Variants in VSIG10L2 observed in about 807,000 individuals in gnomAD.
VSIG10L2 encodes the protein V-set and immunoglobulin domain-containing protein 10-like 2.
In VSIG10L2, 56 loss-of-function variants were observed where a neutral mutation model predicts 67.1. That is an observed-to-expected ratio of 0.83 (90% CI 0.67 to 1.04). VSIG10L2 has a LOEUF of 1.04. VSIG10L2 is among the 50% of genes least tolerant of loss of function. The pLI, the probability that VSIG10L2 is intolerant of heterozygous loss-of-function variation, is 0.00. For synonymous variants in VSIG10L2, 360 were observed against 396.6 expected, an observed-to-expected ratio of 0.91 and a Z score of 1.10; for missense variants, 843 against 932.8, an observed-to-expected ratio of 0.90 and a Z score of 1.25.
chr11:125,951,916 G>A lies in VSIG10L2; in HGVS notation c.1338G>A (p.Leu446=), dbSNP rs965821267. Reference sequence around the variant, plus strand: ...CTGGCGGCGAGCCCCCTGCCACGCTGGGCTGGCTTGACGAACAGCAGCAGC... The same window carrying A: ...CTGGCGGCGAGCCCCCTGCCACGCTAGGCTGGCTTGACGAACAGCAGCAGC... ...EWPGGEPPAT[L]GWLDEQQQPL... The change falls in exon 6 of 12, where the codon CTG becomes CTA. Residue 446 remains leucine (L), a synonymous_variant. Transcript: ENST00000686984. 1 of 1,535,962 alleles carries A rather than the reference G, an allele frequency of 6.5e-7. No homozygotes were observed. The highest frequency in any genetic ancestry group is 8.7e-7 in the Non-Finnish European group (1 of 1,146,810).
Position 125,951,796 on chromosome 11 carries a change from G to C in VSIG10L2, c.1235-17G>C. 6.7e-7 allele frequency: 1 copy of C among 1,481,896 alleles called. No individual in the cohort carries two copies. Among genetic ancestry groups the C allele is most frequent in the Non-Finnish European group, 9.0e-7 (1 of 1,116,272 alleles). The allele number at this position is 1,481,896 out of a possible 1,614,324, so 91.8% of individuals were successfully genotyped here. A position where few individuals can be genotyped will look rare whatever the true frequency, so the allele number is the denominator to read the frequency against. ...TCCTCCTTCCACAGGGCCATACTGA[G>C]CCATCATTCCTTCCAGGGGAGCCTC... On this transcript the variant is annotated splice_polypyrimidine_tract_variant and intron_variant, in intron 5 of 11. Coordinates refer to ENST00000686984, the MANE Select transcript of VSIG10L2 (RefSeq NM_001365077.2).
At position 125,954,384 on chromosome 11, in the gene VSIG10L2, G is replaced by A; in HGVS notation, c.2083+1G>A. 1 of 1,232,154 alleles carries A rather than the reference G, an allele frequency of 8.1e-7. No homozygotes were observed. Among genetic ancestry groups the A allele is most frequent in the African/African-American group, 1.6e-5 (1 of 64,492 alleles). The allele number at this position is 1,232,154 out of a possible 1,614,324, so 76.3% of individuals were successfully genotyped here. On this transcript the variant is annotated splice_donor_variant, in intron 8 of 11. Transcript: ENST00000686984. LOFTEE classifies it high-confidence loss of function. ...CATCCCTCTGAGGTGAAGATACCAG[G>A]TGCCAGCTAATGCCAGGGAGGGACC...
chr11:125,953,815 T>C (rs1945411700), intron 7 of VSIG10L2, 125 bp downstream of exon 7: 1 of 950,748 alleles, frequency 1.1e-6, no homozygotes, highest in South Asian at 5.6e-5. Context: ...TGAGCTTCCT[T>C]GGGCATAGGC....
Position 125,948,369 on chromosome 11 carries a change from G to T in VSIG10L2, c.498G>T (p.Val166=). The T allele has an allele frequency of 8.1e-7, 1 of 1,232,364 alleles. No homozygotes were observed. Among genetic ancestry groups the T allele is most frequent in the South Asian group, 4.1e-5 (1 of 24,322 alleles). 76.3% of individuals were successfully genotyped at this position (1,232,364 alleles called of 1,614,324 possible). ...NPSPVEGASV[V]ATCAVREGTE... ...CCCCTGTGGAGGGAGCCTCCGTGGT[G>T]GCCACGTGTGCAGTGCGGGAGGGCA... The change falls in exon 3 of 12, where the codon GTG becomes GTT. Residue 166 remains valine, a synonymous_variant. Transcript: ENST00000686984.
chr11:125,946,804 C>A lies in VSIG10L2; in HGVS notation c.82+667C>A, dbSNP rs1285336941. Among the ~76,000 whole-genome samples the A allele has an allele frequency of 6.6e-6, 1 of 152,214 alleles. No homozygotes were observed. Among genetic ancestry groups the A allele is most frequent in the East Asian group, 1.9e-4 (1 of 5,186 alleles). ...CTGCCCGCCTCAGCCTCCCAGAGTG[C>A]TGGGATTACAGGCCTGAGCCACTGA... On this transcript the variant is annotated intron_variant, in intron 1 of 11. Transcript: ENST00000686984. This position sits in a 1 kb window ranked among gnomAD's most constrained non-coding sequence, Gnocchi z 4.4.
Position 125,948,418 on chromosome 11 carries a change from C to A in VSIG10L2, c.547C>A (p.Gln183Lys). ...EGTEPVTFAW[Q>K]HRAPRGLGEA... is the part of the protein sequence containing the mutation. ...CACAGAGCCCGTGACCTTTGCCTGG[C>A]AGCATCGGGCACCCCGAGGCCTTGG... is the stretch of plus-strand genomic sequence containing the variant. The change falls in exon 3 of 12, where the codon CAG (glutamine) becomes AAG (lysine). Residue 183 changes from glutamine to lysine, a missense_variant. Physicochemically the swap from Gln to Lys is moderately conservative, Grantham distance 53. Transcript: ENST00000686984. 8.1e-7 allele frequency: 1 copy of A among 1,232,400 alleles called. No homozygotes were observed. The highest frequency in any genetic ancestry group is 1.0e-6 in the Non-Finnish European group (1 of 988,154). The allele number at this position is 1,232,400 out of a possible 1,614,324, so 76.3% of individuals were successfully genotyped here.
intron 11 of VSIG10L2, 68 bp from the exon 12 acceptor site, chr11:125,955,749 G>T: frequency 1.7e-6 from 2 of 1,205,242 alleles, no homozygotes; most frequent in South Asian, 2.6e-5. Flanking sequence ...GGTCTCTCTT[G>T]AGCTCTGGGA....
Position 125,951,132 on chromosome 11 carries a change from C to T in VSIG10L2, c.1208C>T (p.Pro403Leu), listed in dbSNP as rs1347960710. 1.1e-5 allele frequency: 14 copies of T among 1,232,846 alleles called. No individual in the cohort carries two copies. Among genetic ancestry groups the T allele is most frequent in the East Asian group, 6.3e-5 (2 of 31,754 alleles). 76.4% of individuals were successfully genotyped at this position (1,232,846 alleles called of 1,614,324 possible). A position where few individuals can be genotyped will look rare whatever the true frequency, so the allele number is the denominator to read the frequency against. ...ACTGGCCAGCACCCAGCCCTGGCAC[C>T]GCCTGCCCTCTGCACAGTCATGCTC... ...TCTGQHPALA[P>L]PALCTVMLWE... Residue 403 changes from proline to leucine, a missense_variant, in exon 5 of 12, where the codon CCG becomes CTG. By Grantham distance (98) the Pro-to-Leu change is moderately conservative. Transcript: ENST00000686984.
chr11:125,956,058 A>C lies in VSIG10L2; in HGVS notation c.*144A>C. ...TTAATACCCAGTCTTCACAACTGGT[A>C]CAAGGCCCAGCTGCAGTGTCCCTAA... is the stretch of plus-strand genomic sequence containing the variant. On this transcript the variant is annotated 3_prime_UTR_variant, in exon 12 of 12. Transcript: ENST00000686984. 1 of 691,338 alleles carries C rather than the reference A, an allele frequency of 1.4e-6. No homozygotes were observed. Among genetic ancestry groups the C allele is most frequent in the South Asian group, 1.5e-5 (1 of 66,020 alleles). The allele number at this position is 691,338 out of a possible 1,614,324, so 42.8% of individuals were successfully genotyped here.
Position 125,947,855 on chromosome 11 carries a change from T to C in VSIG10L2, c.252T>C (p.Asp84=), listed in dbSNP as rs1261058347. ...SLVPRPVAVT[D]GAMSKVEAIA... ...TTCCCCGGCCTGTGGCCGTCACCGA[T>C]GGAGCCATGTCCAAGGTGGAGGCCA... The change falls in exon 2 of 12, where the codon GAT becomes GAC. Residue 84 remains aspartate, a synonymous_variant. Transcript: ENST00000686984. 2 of 1,232,226 alleles carry C rather than the reference T, an allele frequency of 1.6e-6. No homozygotes were observed. The highest frequency in any genetic ancestry group is 1.6e-5 in the African/African-American group (1 of 64,442). The allele number at this position is 1,232,226 out of a possible 1,614,324, so 76.3% of individuals were successfully genotyped here. A position where few individuals can be genotyped will look rare whatever the true frequency, so the allele number is the denominator to read the frequency against.
intron 7 of VSIG10L2, 44 bp from the exon 8 acceptor site, chr11:125,954,043 T>C (rs1193337001): frequency 4.1e-6 from 5 of 1,227,204 alleles, no homozygotes; most frequent in South Asian, 4.2e-5. Context: ...GGTCACGTGG[T>C]TGTAGGTATA....
chr11:125,947,416 A>C (rs1945312722), intron 1 of VSIG10L2: 2 of 985,272 alleles, frequency 2.0e-6, no homozygotes, highest in South Asian at 4.7e-5. Context: ...TGGATGGTCT[A>C]GTGACCCATG....
In VSIG10L2 at chr11:125,954,129, A is replaced by G. The variant is rs2134307729; in HGVS notation, c.1829A>G (p.Tyr610Cys). The change falls in exon 8 of 12, where the codon TAC becomes TGC. Residue 610 changes from tyrosine (Y) to cysteine (C), a missense_variant. Physicochemically the swap from Tyr to Cys is radical, Grantham distance 194. This residue lies in a region of VSIG10L2 where 397 missense variants were observed against 384.4 expected (regional missense o/e 1.03). Coordinates refer to ENST00000686984, the MANE Select transcript of VSIG10L2 (RefSeq NM_001365077.2). ...AATGTCACCATCAGCCGCCTGACCT[A>G]CGGGAGGCACCGGAGAGAGGTGCAG... ...PPNVTISRLT[Y>C]GRHRREVQLQ... The G allele has an allele frequency of 8.1e-7, 1 of 1,232,256 alleles. No homozygotes were observed. The highest frequency in any genetic ancestry group is 1.0e-6 in the Non-Finnish European group (1 of 988,076). 76.3% of individuals were successfully genotyped at this position (1,232,256 alleles called of 1,614,324 possible).
At position 125,954,324 on chromosome 11, in the gene VSIG10L2, T is replaced by C. The variant is rs1945421039; in HGVS notation, c.2024T>C (p.Phe675Ser). ...GGLDPGVLYA[F>S]RILALNHHTA... ...TTGGACCCCGGGGTCCTTTATGCCT[T>C]CCGCATCCTGGCTCTGAATCACCAC... The change falls in exon 8 of 12, where the codon TTC (phenylalanine) becomes TCC (serine). Residue 675 changes from phenylalanine to serine, a missense_variant. By Grantham distance (155) the Phe-to-Ser change is radical (BLOSUM62 -2). Transcript: ENST00000686984. 8.1e-7 allele frequency: 1 copy of C among 1,231,812 alleles called. No homozygotes were observed. The highest frequency in any genetic ancestry group is 1.6e-5 in the African/African-American group (1 of 64,308). The allele number at this position is 1,231,812 out of a possible 1,614,324, so 76.3% of individuals were successfully genotyped here.
chr11:125,954,535 C>G (rs1945424949), intron 8 of VSIG10L2, among the ~76,000 whole-genome samples, 152 bp downstream of exon 8: 2 of 152,114 alleles, frequency 1.3e-5, no homozygotes, highest in Non-Finnish European at 1.5e-5. Context: ...TCTCTCCACT[C>G]TCCCCTCAGA....
At chr11:125,955,779 G>A (rs1286114895) in intron 11 of VSIG10L2, 38 bp from the exon 12 acceptor site, 2 of 935,326 alleles carry the variant, frequency 2.1e-6, no homozygotes, top group Admixed American at 4.0e-5. Flanking sequence ...CACTCCCAAA[G>A]CATCCCTCTG....
chr11:125,950,783 C>G (rs1333998506), intron 4 of VSIG10L2, 127 bp from the exon 5 acceptor site: 1 of 912,796 alleles, frequency 1.1e-6, no homozygotes, highest in African/African-American at 1.7e-5. Flanking sequence ...AATCTTTCCC[C>G]TAACCCACTT....
rs530899937 is a variant in VSIG10L2 at position 125,947,920 on chromosome 11, G to C, written c.317G>C (p.Ser106Thr). 3 of 1,232,228 alleles carry C rather than the reference G, an allele frequency of 2.4e-6. No homozygotes were observed. The highest frequency in any genetic ancestry group is 2.0e-6 in the Non-Finnish European group (2 of 988,106). 76.3% of individuals were successfully genotyped at this position (1,232,228 alleles called of 1,614,324 possible). ...ALGVVSLRNS[S>T]LVLGELHEGA... ...GGAGTCGTGAGTCTGAGGAACAGCA[G>C]CCTGGTGCTGGGGGAGCTTCACGAG... is the stretch of plus-strand genomic sequence containing the variant. Residue 106 changes from serine to threonine, a missense_variant, in exon 2 of 12, where the codon AGC (serine) becomes ACC (threonine). Ser to Thr is a moderately conservative substitution (Grantham distance 58). Transcript: ENST00000686984.
Position 125,948,522 on chromosome 11 carries a change from C to T in VSIG10L2, c.651C>T (p.Cys217=), listed in dbSNP as rs900872555. The T allele has an allele frequency of 6.5e-6, 8 of 1,232,228 alleles. No individual in the cohort carries two copies. The highest frequency in any genetic ancestry group is 8.1e-6 in the Non-Finnish European group (8 of 988,016). The allele number at this position is 1,232,228 out of a possible 1,614,324, so 76.3% of individuals were successfully genotyped here. ...VNRTHLGWYM[C]SASNSVNRLS... is the part of the protein sequence containing the mutation. The stretch of plus-strand genomic sequence containing the variant: ...GGACACACCTAGGGTGGTACATGTG[C>T]AGCGCCAGCAACTCCGTGAACAGGC... Residue 217 remains cysteine (C), a synonymous_variant, in exon 3 of 12, where the codon TGC becomes TGT. Transcript: ENST00000686984.
Sources: allele counts gnomAD v4.1 joint callset (sites outside exome capture counted in the v4.1 genomes callset), GRCh38; gene constraint gnomAD v4.1.1; regional missense constraint gnomAD v4.1.1; non-coding constraint Gnocchi (gnomAD v3.1); transcripts MANE v1.5; gene names NCBI Gene and HGNC (gene_info 2026-07-23, HGNC 2026-07-21).